PLXNA2: variants seen among roughly 807,000 people sequenced by gnomAD.
PLXNA2 encodes the protein plexin-A2.
PLXNA2 carries 91 observed loss-of-function variants against 193.5 expected under a neutral mutation model. That is an observed-to-expected ratio of 0.47 (90% CI 0.40 to 0.56). The LOEUF is 0.56. Among genes scored for constraint, PLXNA2 ranks in the 20% least tolerant of loss-of-function variants. The probability of loss-of-function intolerance (pLI) is 0.00; values close to 1 mark genes in which losing one functional copy is unlikely to be tolerated. For synonymous variants in PLXNA2, 997 were observed against 1,027.3 expected (o/e 0.97, Z 0.56); for missense variants, 1,995 against 2,503.2 (o/e 0.80, Z 4.33).
At chr1:208,159,449 C>T (rs1225472914) in intron 3 of PLXNA2, among the ~76,000 whole-genome samples, 3 of 152,206 alleles carry the variant, frequency 2.0e-5, no homozygotes, top group Non-Finnish European at 4.4e-5. Flanking sequence ...GTACCAGGCT[C>T]CAGGAAGACG....
At chr1:208,081,210 G>C (rs1666328767) in intron 11 of PLXNA2, among the ~76,000 whole-genome samples, 1 of 152,184 alleles carries the variant, frequency 6.6e-6, no homozygotes, top group South Asian at 2.1e-4. Flanking sequence ...GTTTGGCCTG[G>C]GTATGAGGAG....
intron 2 of PLXNA2, among the ~76,000 whole-genome samples, chr1:208,215,859 C>T (rs1482933018): frequency 6.6e-6 from 1 of 152,130 alleles, no homozygotes; most frequent in East Asian, 1.9e-4. Flanking sequence ...GCAGTGCTTG[C>T]CACTGATTTT....
At chr1:208,240,476 T>C (rs1032871274) in intron 1 of PLXNA2, among the ~76,000 whole-genome samples, 2 of 152,206 alleles carry the variant, frequency 1.3e-5, no homozygotes, top group Non-Finnish European at 2.9e-5. Context: ...ATGAAATCTT[T>C]GTAACGAAGT....
intron 27 of PLXNA2, among the ~76,000 whole-genome samples, chr1:208,033,931 G>A (rs1479574174): frequency 6.6e-6 from 1 of 152,206 alleles, no homozygotes; most frequent in Non-Finnish European, 1.5e-5. Flanking sequence ...TGGGGTATGG[G>A]ATTTCCTGAG....
At chr1:208,226,960 C>T (rs1671530090) in intron 1 of PLXNA2, among the ~76,000 whole-genome samples, 1 of 152,224 alleles carries the variant, frequency 6.6e-6, no homozygotes, top group African/African-American at 2.4e-5. Flanking sequence ...CTCCAGCCTT[C>T]TGTGCAAACG....
rs1385916715 is a variant in PLXNA2 at position 208,236,541 on chromosome 1, C to T, written c.-81+7102G>A. On this transcript the variant is annotated intron_variant, in intron 1 of 31. Coordinates refer to ENST00000367033, the MANE Select transcript of PLXNA2 (RefSeq NM_025179.4). This position sits in a 1 kb window ranked among gnomAD's most constrained non-coding sequence, Gnocchi z 4.4. ...GGAGCACACTGCCTGGCCGGCTGCT[C>T]CCTCTAACCCCTGCTCAAAGGTAAA... Among the ~76,000 whole-genome samples the T allele has an allele frequency of 6.6e-6, 1 of 152,200 alleles. No individual in the cohort carries two copies. The highest frequency in any genetic ancestry group is 2.4e-5 in the African/African-American group (1 of 41,456).
intron 12 of PLXNA2, among the ~76,000 whole-genome samples, chr1:208,077,834 T>C (rs140272598): frequency 1.3e-5 from 2 of 152,298 alleles, no homozygotes; most frequent in African/African-American, 2.4e-5. Context: ...GCTCTGTCTT[T>C]GAAAGGCAGT....
chr1:208,151,885 A>G (rs1334157871), intron 3 of PLXNA2, among the ~76,000 whole-genome samples: 1 of 152,164 alleles, frequency 6.6e-6, no homozygotes, highest in East Asian at 1.9e-4. Flanking sequence ...CAGGAGGACA[A>G]TGCCTACATT....
intron 1 of PLXNA2, among the ~76,000 whole-genome samples, chr1:208,232,739 G>A (rs1235197718): frequency 6.6e-6 from 1 of 152,168 alleles, no homozygotes; most frequent in Non-Finnish European, 1.5e-5. Flanking sequence ...GAGAATTCTG[G>A]CTCCAGAGGA....
intron 3 of PLXNA2, among the ~76,000 whole-genome samples, chr1:208,206,131 T>C (rs1460121538): frequency 2.0e-5 from 3 of 152,246 alleles, no homozygotes; most frequent in Admixed American, 6.5e-5. Flanking sequence ...CAGTAAATTA[T>C]GTTATGTAAA....
At chr1:208,075,203 C>G (rs543029738) in intron 12 of PLXNA2, among the ~76,000 whole-genome samples, 9 of 151,776 alleles carry the variant, frequency 5.9e-5, no homozygotes, top group African/African-American at 2.2e-4. Flanking sequence ...ACCAGCTACT[C>G]GGAAGGCTGA....
chr1:208,147,950 C>T (rs1668649081), intron 3 of PLXNA2, among the ~76,000 whole-genome samples: 1 of 152,162 alleles, frequency 6.6e-6, no homozygotes, highest in Non-Finnish European at 1.5e-5. Context: ...CTCAGTTTAT[C>T]AGGGCTGGCT....
chr1:208,127,501 C>T (rs543509253), intron 4 of PLXNA2, among the ~76,000 whole-genome samples: 1 of 152,352 alleles, frequency 6.6e-6, no homozygotes, highest in East Asian at 1.9e-4. Context: ...CTATTCCCAA[C>T]AGCCACCCTC....
At chr1:208,211,739 G>T (rs1204944399) in intron 2 of PLXNA2, among the ~76,000 whole-genome samples, 2 of 151,686 alleles carry the variant, frequency 1.3e-5, no homozygotes, top group African/African-American at 2.4e-5. Context: ...GGAAGATCTT[G>T]ATCCTATCCC....
intron 12 of PLXNA2, among the ~76,000 whole-genome samples, chr1:208,078,920 T>C (rs1666240288): frequency 2.0e-5 from 3 of 152,224 alleles, no homozygotes; most frequent in South Asian, 4.1e-4. Context: ...ACCTGTTTTC[T>C]GAAATGTTCA....
chr1:208,088,052 G>A (rs927316115), intron 9 of PLXNA2, among the ~76,000 whole-genome samples: 2 of 152,122 alleles, frequency 1.3e-5, no homozygotes, highest in Non-Finnish European at 2.9e-5. Context: ...TTGCTACCGC[G>A]GATCCTCACA....
At chr1:208,221,249 TC>T (rs1671322307) in intron 1 of PLXNA2, among the ~76,000 whole-genome samples, 1 of 152,200 alleles carries the variant, frequency 6.6e-6, no homozygotes, top group Non-Finnish European at 1.5e-5. Flanking sequence ...CTATAAGATT[TC>T]CTTTTTCAGA....
intron 3 of PLXNA2, among the ~76,000 whole-genome samples, chr1:208,156,745 T>G (rs1310553706): frequency 1.3e-5 from 2 of 152,222 alleles, no homozygotes; most frequent in African/African-American, 2.4e-5. Flanking sequence ...GATGTAGAAG[T>G]TGAATCTATA....
At chr1:208,084,276 T>C in intron 10 of PLXNA2, 104 bp downstream of exon 10, 1 of 1,233,860 alleles carries the variant, frequency 8.1e-7, no homozygotes, top group Non-Finnish European at 1.2e-6. Context: ...GCTCAGCCTG[T>C]GAACCTGGAA....
Sources: allele counts gnomAD v4.1 joint callset (sites outside exome capture counted in the v4.1 genomes callset), GRCh38; gene constraint gnomAD v4.1.1; non-coding constraint Gnocchi (gnomAD v3.1); transcripts MANE v1.5; gene names NCBI Gene and HGNC (gene_info 2026-07-23, HGNC 2026-07-21).